Variants in SMIM13 observed in about 807,000 individuals in gnomAD.
SMIM13 encodes the protein small integral membrane protein 13.
A neutral mutation model predicts 5.9 loss-of-function variants in SMIM13; 3 were observed. That is an observed-to-expected ratio of 0.51 (90% CI 0.23 to 1.31). The LOEUF is 1.31. Among genes scored for constraint, SMIM13 ranks in the 40% most tolerant of loss-of-function variants. The pLI is 0.18. For synonymous variants in SMIM13, 55 were observed against 46.0 expected (o/e 1.19, Z -0.79); for missense variants, 85 against 109.9 (o/e 0.77, Z 1.01).
chr6:11,105,314 G>T, intron 1 of SMIM13: 4 of 1,602,616 alleles, frequency 2.5e-6, no homozygotes, highest in South Asian at 2.2e-5. Context: ...GGCCCATGGT[G>T]ACCTAAGAGA....
chr6:11,126,257 C>T (rs1758375265), intron 1 of SMIM13, among the ~76,000 whole-genome samples: 5 of 152,180 alleles, frequency 3.3e-5, no homozygotes, highest in Admixed American at 1.3e-4. Flanking sequence ...ACTATGTTGG[C>T]CAGGCTGGTC....
At chr6:11,132,139 A>T (rs1758457310) in intron 1 of SMIM13, among the ~76,000 whole-genome samples, 1 of 152,218 alleles carries the variant, frequency 6.6e-6, no homozygotes, top group Non-Finnish European at 1.5e-5. Context: ...TCTCCAAAGA[A>T]GATAACAGAT....
At chr6:11,100,953 T>C (rs542088470) in intron 1 of SMIM13, among the ~76,000 whole-genome samples, 51 of 152,050 alleles carry the variant, frequency 3.4e-4, no homozygotes, top group Non-Finnish European at 6.3e-4. Flanking sequence ...TTTTTCTAGG[T>C]CCCTTCAGTT....
chr6:11,106,508 C>T (rs939464006), intron 1 of SMIM13, among the ~76,000 whole-genome samples: 1 of 152,226 alleles, frequency 6.6e-6, no homozygotes, highest in Non-Finnish European at 1.5e-5. Context: ...TCTAAAGTGG[C>T]GGGAGTCCTG....
intron 1 of SMIM13, among the ~76,000 whole-genome samples, chr6:11,130,451 C>T (rs1758439465): frequency 6.6e-6 from 1 of 152,090 alleles, no homozygotes; most frequent in South Asian, 2.1e-4. Context: ...AAAATGCATA[C>T]TGTTCAAGCT....
chr6:11,129,078 C>CGGG (rs138712581), intron 1 of SMIM13, among the ~76,000 whole-genome samples: 1 of 149,044 alleles, frequency 6.7e-6, no homozygotes, highest in East Asian at 2.0e-4. Context: ...CTACCGGGAG[C>CGGG]GGGGGGGGGA....
chr6:11,122,658 A>T (rs1350488560), intron 1 of SMIM13, among the ~76,000 whole-genome samples: 1 of 152,034 alleles, frequency 6.6e-6, no homozygotes, highest in Non-Finnish European at 1.5e-5. Flanking sequence ...CTAGAGGTGG[A>T]GGACTTTTTG....
intron 1 of SMIM13, among the ~76,000 whole-genome samples, chr6:11,097,683 A>G (rs935770131): frequency 7.9e-5 from 12 of 151,848 alleles, no homozygotes; most frequent in Non-Finnish European, 1.6e-4. Context: ...AAAAAAAAAA[A>G]ACCTTATCTC....
chr6:11,096,672 A>T (rs1437539649), intron 1 of SMIM13, among the ~76,000 whole-genome samples: 1 of 150,842 alleles, frequency 6.6e-6, no homozygotes, highest in Admixed American at 6.6e-5. Context: ...TAAACAACTC[A>T]TTTCTTTTCT....
At chr6:11,112,581 C>A (rs1758184327) in intron 1 of SMIM13, among the ~76,000 whole-genome samples, 1 of 152,100 alleles carries the variant, frequency 6.6e-6, no homozygotes, top group African/African-American at 2.4e-5. Context: ...CATAAATTTA[C>A]CTTTCTAATG....
At chr6:11,133,294 A>G (rs1000160074) in intron 1 of SMIM13, among the ~76,000 whole-genome samples, 4 of 152,184 alleles carry the variant, frequency 2.6e-5, no homozygotes, top group African/African-American at 9.6e-5. Flanking sequence ...AACACTCAGC[A>G]CTCAAGCTTA....
chr6:11,109,979 T>C (rs1758143997), intron 1 of SMIM13, among the ~76,000 whole-genome samples: 1 of 152,230 alleles, frequency 6.6e-6, no homozygotes, highest in South Asian at 2.1e-4. Context: ...CGTATGGCAG[T>C]GTCCCCCATT....
At chr6:11,104,371 T>A (rs1222134670) in intron 1 of SMIM13, 1 of 1,551,602 alleles carries the variant, frequency 6.4e-7, no homozygotes, top group African/African-American at 1.4e-5. Flanking sequence ...CAAGTTCCAG[T>A]CCAGTTACTG....
intron 1 of SMIM13, among the ~76,000 whole-genome samples, chr6:11,102,006 G>A (rs573388897): frequency 2.0e-5 from 3 of 152,232 alleles, no homozygotes; most frequent in Non-Finnish European, 2.9e-5. Flanking sequence ...CCAAAGTGCT[G>A]GGATTACAGG....
rs1011469751 is a variant in SMIM13 at position 11,138,280 on chromosome 6, G to T, written c.*3678G>T. On this transcript the variant is annotated 3_prime_UTR_variant, in exon 2 of 2. Coordinates refer to ENST00000416247, the MANE Select transcript of SMIM13 (RefSeq NM_001135575.2). ...GTGAAGTCTAGAACTAAAGCACCTT[G>T]TATTGTCTGCTTCTAAAGTGTCCTA... The T allele has an allele frequency of 6.6e-6, 1 of 152,184 alleles. No homozygotes were observed. Among genetic ancestry groups the T allele is most frequent in the African/African-American group, 2.4e-5 (1 of 41,446 alleles). 9.4% of individuals were successfully genotyped at this position (152,184 alleles called of 1,614,324 possible). A position where few individuals can be genotyped will look rare whatever the true frequency, so the allele number is the denominator to read the frequency against.
intron 1 of SMIM13, chr6:11,103,449 A>G (rs1758028248): frequency 2.0e-6 from 1 of 505,910 alleles, no homozygotes; most frequent in Non-Finnish European, 3.3e-6. Flanking sequence ...CTGCTCCAAC[A>G]TTTCCCCCCC....
chr6:11,135,645 CTG>C lies in SMIM13; in HGVS notation c.*1046_*1047del, dbSNP rs1164823295. On this transcript the variant is annotated 3_prime_UTR_variant, in exon 2 of 2. Transcript: ENST00000416247. ...TGTGGAAAAATGCAGACATCAATGA[CTG>C]TGGTTTGAAAAGTGATTCAGAAGAG... 1 of 152,606 alleles carries C rather than the reference CTG, an allele frequency of 6.6e-6. No individual in the cohort carries two copies. The highest frequency in any genetic ancestry group is 1.5e-5 in the Non-Finnish European group (1 of 68,038). 9.5% of individuals were successfully genotyped at this position (152,606 alleles called of 1,614,324 possible). A position where few individuals can be genotyped will look rare whatever the true frequency, so the allele number is the denominator to read the frequency against.
chr6:11,103,492 T>G, intron 1 of SMIM13: 1 of 707,440 alleles, frequency 1.4e-6, no homozygotes, highest in Non-Finnish European at 2.1e-6. Context: ...TCTGGGAAAA[T>G]GGACGAAGGT....
intron 1 of SMIM13, chr6:11,104,225 G>A (rs1379480021): frequency 3.2e-6 from 5 of 1,551,688 alleles, no homozygotes; most frequent in Non-Finnish European, 4.4e-6. Context: ...CAGCTAGAAT[G>A]CCGAGTCCCG....
Sources: allele counts gnomAD v4.1 joint callset (sites outside exome capture counted in the v4.1 genomes callset), GRCh38; gene constraint gnomAD v4.1.1; transcripts MANE v1.5; gene names NCBI Gene and HGNC (gene_info 2026-07-23, HGNC 2026-07-21).